The following CDH4 variants were observed in gnomAD, a reference collection of about 807,000 sequenced individuals.
The protein encoded by CDH4 is cadherin 4, also known as cadherin-4.
In CDH4, 33 loss-of-function variants were observed where a neutral mutation model predicts 86.0. The observed-to-expected ratio is 0.38, with a 90% confidence interval of 0.29 to 0.51. The LOEUF is 0.51. Among genes scored for constraint, CDH4 ranks in the 20% least tolerant of loss-of-function variants. The pLI is 0.86. For synonymous variants in CDH4, 555 were observed against 549.4 expected (o/e 1.01, Z -0.14); for missense variants, 1,114 against 1,307.4 (o/e 0.85, Z 2.28).
At chr20:61,929,221 T>C (rs1424072212) in intron 12 of CDH4, among the ~76,000 whole-genome samples, 4 of 151,692 alleles carry the variant, frequency 2.6e-5, no homozygotes, top group Admixed American at 6.6e-5. Context: ...GCTCTGCAAC[T>C]CCACCTCCCA....
rs2055148160 is a variant in CDH4, at chr20:61,934,082, G to T, written c.2406G>T (p.Gln802His). Residue 802 changes from glutamine to histidine, a missense_variant, in exon 15 of 16, where the codon CAG (glutamine) becomes CAT (histidine). This residue lies in a region of CDH4 where 188 missense variants were observed against 183.8 expected (regional missense o/e 1.02). Coordinates refer to ENST00000614565, the MANE Select transcript of CDH4 (RefSeq NM_001794.5). ...ACTACGACCTCAGCCAGCTGCAGCAGCCGGAAGCCATGGGGCACGTGCCAA... is the reference window on the plus strand; with the variant it reads ...ACTACGACCTCAGCCAGCTGCAGCATCCGGAAGCCATGGGGCACGTGCCAA... ...DQDYDLSQLQ[Q>H]PEAMGHVPSK... is the part of the protein sequence containing the mutation. The T allele has an allele frequency of 1.9e-6, 3 of 1,611,060 alleles. No homozygotes were observed. The African/African-American group carries it at 4.0e-5, about 22-fold the overall frequency.
chr20:61,665,734 G>C (rs1231246712), intron 2 of CDH4, among the ~76,000 whole-genome samples: 1 of 152,150 alleles, frequency 6.6e-6, no homozygotes, highest in Non-Finnish European at 1.5e-5. Flanking sequence ...ACAATACACG[G>C]GGGTCACCTA....
chr20:61,606,254 G>A (rs551748459), intron 2 of CDH4, among the ~76,000 whole-genome samples: 1 of 152,332 alleles, frequency 6.6e-6, no homozygotes, highest in East Asian at 1.9e-4. Flanking sequence ...ATTCCGATAA[G>A]CACCACCTCT....
intron 2 of CDH4, among the ~76,000 whole-genome samples, chr20:61,274,188 T>TGG (rs1326489311): frequency 5.1e-5 from 5 of 98,232 alleles, no homozygotes; most frequent in Admixed American, 1.1e-4. Flanking sequence ...GTGTGCAATT[T>TGG]GGGGAGTACC....
intron 2 of CDH4, among the ~76,000 whole-genome samples, chr20:61,267,408 G>A (rs529021421): frequency 6.6e-6 from 1 of 152,312 alleles, no homozygotes; most frequent in East Asian, 1.9e-4. Context: ...TACCTGGGAA[G>A]GTGTCTGCCG....
intron 2 of CDH4, among the ~76,000 whole-genome samples, chr20:61,405,811 G>T (rs1041273640): frequency 1.3e-5 from 2 of 151,810 alleles, no homozygotes; most frequent in Non-Finnish European, 2.9e-5. Flanking sequence ...CTCCCGAGTA[G>T]CTGGGACTAC....
At chr20:61,356,550 G>A (rs527542431) in intron 2 of CDH4, among the ~76,000 whole-genome samples, 15 of 152,314 alleles carry the variant, frequency 9.8e-5, no homozygotes, top group African/African-American at 1.7e-4. Flanking sequence ...AGTAAAAGCC[G>A]TGCAGTTGCT....
intron 2 of CDH4, among the ~76,000 whole-genome samples, chr20:61,488,814 C>A (rs752962007): frequency 6.6e-6 from 1 of 152,118 alleles, no homozygotes; most frequent in Admixed American, 6.6e-5. Flanking sequence ...TGTGGGTGCA[C>A]CTAAAACAGT....
intron 2 of CDH4, among the ~76,000 whole-genome samples, chr20:61,323,854 C>G (rs1372996218): frequency 6.6e-6 from 1 of 152,140 alleles, no homozygotes; most frequent in East Asian, 1.9e-4. Context: ...ATTAATGCCT[C>G]CCTGTTGGGG....
chr20:61,277,938 C>T (rs563180122), intron 2 of CDH4, among the ~76,000 whole-genome samples: 19 of 152,350 alleles, frequency 1.2e-4, no homozygotes, highest in African/African-American at 4.3e-4. Flanking sequence ...GGGTGCCGAT[C>T]GGGCCTAATG....
intron 8 of CDH4, among the ~76,000 whole-genome samples, chr20:61,901,117 T>C (rs1320154319): frequency 6.6e-6 from 1 of 151,804 alleles, no homozygotes; most frequent in Non-Finnish European, 1.5e-5. Context: ...ATCTGGTCTA[T>C]GGACCCAAAA....
intron 2 of CDH4, among the ~76,000 whole-genome samples, chr20:61,315,571 A>C (rs2084471795): frequency 6.6e-6 from 1 of 152,250 alleles, no homozygotes; most frequent in Admixed American, 6.5e-5. Flanking sequence ...AGAACCAGGC[A>C]GGAGGATGTC....
intron 2 of CDH4, among the ~76,000 whole-genome samples, chr20:61,404,491 G>A (rs890288804): frequency 2.1e-4 from 32 of 152,034 alleles, no homozygotes; most frequent in African/African-American, 7.0e-4. Context: ...ACCTGGCTCC[G>A]GCCCGAGGCT....
rs1368802950 is a variant in CDH4 at position 61,377,717 on chromosome 20, G to A, written c.169+122780G>A. Among the ~76,000 whole-genome samples, 2 of 152,170 alleles carry A rather than the reference G, an allele frequency of 1.3e-5. No individual in the cohort carries two copies. The highest frequency in any genetic ancestry group is 2.9e-5 in the Non-Finnish European group (2 of 68,032). On this transcript the variant is annotated intron_variant, in intron 2 of 15. Transcript: ENST00000614565. This position sits in a 1 kb window ranked among gnomAD's most constrained non-coding sequence, Gnocchi z 4.0. ...GGCTGTTAATGTGCCATAACCACTGGCTCCAAGCAATTCTTCAGTGCTGTG... is the reference window on the plus strand; with the variant it reads ...GGCTGTTAATGTGCCATAACCACTGACTCCAAGCAATTCTTCAGTGCTGTG...
rs1181815950 is a variant in CDH4, at chr20:61,811,074, C to T, written c.577-33594C>T. Among the ~76,000 whole-genome samples, 1 of 152,172 alleles carries T rather than the reference C, an allele frequency of 6.6e-6. No individual in the cohort carries two copies. Among genetic ancestry groups the T allele is most frequent in the African/African-American group, 2.4e-5 (1 of 41,436 alleles). ...CTGACTGCCGCATCCTCAGCAGCCG[C>T]GCCACATCCTCAGCAGCCCCGCCAC... On this transcript the variant is annotated intron_variant, in intron 4 of 15. Transcript: ENST00000614565. The surrounding 1 kb of genome is among the most constrained non-coding windows in gnomAD (Gnocchi z 4.4).
rs1233899578 is a variant in CDH4, at chr20:61,534,670, T to C, written c.170-208893T>C. Reference sequence around the variant, plus strand: ...TTTCTTTTCTTTCTTTCTTTCTTTTTTTTTTTTTTTTTTTTTTGAGGTGTT... The same window carrying C: ...TTTCTTTTCTTTCTTTCTTTCTTTTCTTTTTTTTTTTTTTTTTGAGGTGTT... On this transcript the variant is annotated intron_variant, in intron 2 of 15. Transcript: ENST00000614565. Among the ~76,000 whole-genome samples the C allele has an allele frequency of 5.0e-5, 7 of 140,698 alleles. No homozygotes were observed. In the East Asian group the frequency reaches 8.2e-4, roughly 16 times the overall value. The allele number at this position is 140,698 out of a possible 152,430, so 92.3% of individuals were successfully genotyped here.
chr20:61,735,775 C>T (rs542900126), intron 2 of CDH4, among the ~76,000 whole-genome samples: 52 of 152,362 alleles, frequency 3.4e-4, no homozygotes, highest in African/African-American at 1.2e-3. Flanking sequence ...TTTCTTTTCT[C>T]CTTTTCCTGG....
intron 2 of CDH4, among the ~76,000 whole-genome samples, chr20:61,303,951 G>A (rs376470248): frequency 2.2e-4 from 34 of 152,256 alleles, no homozygotes; most frequent in Middle Eastern, 6.8e-3. Flanking sequence ...AGGCTACTTC[G>A]GAACGGAGTT....
chr20:61,736,204 C>T (rs2088261012), intron 2 of CDH4, among the ~76,000 whole-genome samples: 1 of 152,212 alleles, frequency 6.6e-6, no homozygotes, highest in African/African-American at 2.4e-5. Context: ...CTTCCTGACA[C>T]CATGCTGTGT....
Sources: gnomAD v4.1 joint callset for allele counts (sites outside exome capture counted in the v4.1 genomes callset) on GRCh38, gnomAD v4.1.1 for gene constraint, gnomAD v4.1.1 regional missense constraint, Gnocchi (gnomAD v3.1) non-coding constraint, MANE v1.5 for transcripts, NCBI Gene and HGNC (gene_info 2026-07-23, HGNC 2026-07-21) for gene names.